The following CFAP54 variants were observed in gnomAD, a reference collection of about 807,000 sequenced individuals.
CFAP54 encodes cilia and flagella associated protein 54.
A neutral mutation model predicts 370.4 loss-of-function variants in CFAP54; 290 were observed. The ratio of observed to expected loss-of-function variants is 0.78; its 90% confidence interval spans 0.71 to 0.86. The LOEUF is 0.86. CFAP54 is among the 40% of genes least tolerant of loss of function. The probability of loss-of-function intolerance (pLI) is 0.00; values close to 1 mark genes in which losing one functional copy is unlikely to be tolerated. For missense variants in CFAP54, 3,399 were observed against 3,528.7 expected, an observed-to-expected ratio of 0.96 and a Z score of 0.93; for synonymous variants, 1,206 against 1,236.5, an observed-to-expected ratio of 0.98 and a Z score of 0.52.
intron 63 of CFAP54, among the ~76,000 whole-genome samples, chr12:96,810,077 G>T (rs1351598371): frequency 6.6e-6 from 1 of 152,132 alleles, no homozygotes; most frequent in South Asian, 2.1e-4. Context: ...GGAGTCTCCA[G>T]GTTGTACCCA....
intron 42 of CFAP54, among the ~76,000 whole-genome samples, chr12:96,688,664 T>C (rs1957353720): frequency 6.6e-6 from 1 of 152,146 alleles, no homozygotes; most frequent in Non-Finnish European, 1.5e-5. Context: ...TTTCTCCGTG[T>C]GTATAATTAT....
chr12:96,746,281 T>A lies in CFAP54; in HGVS notation c.7684+2135T>A, dbSNP rs147268558. Among the ~76,000 whole-genome samples the A allele has an allele frequency of 3.6e-4, 55 of 152,284 alleles. 1 individual carries two copies. The highest frequency in any genetic ancestry group is 1.2e-3 in the African/African-American group (50 of 41,566). ...ACAAAAAACAATAACAAACCTACTG[T>A]AAGCCTCTGTCATTCTCACAAAACA... is the stretch of plus-strand genomic sequence containing the variant. On this transcript the variant is annotated intron_variant, in intron 55 of 67. Transcript: ENST00000524981.
intron 26 of CFAP54, among the ~76,000 whole-genome samples, chr12:96,599,472 T>C (rs1351882304): frequency 6.6e-6 from 1 of 152,152 alleles, no homozygotes; most frequent in East Asian, 1.9e-4. Context: ...TAAACATACA[T>C]GTGCATGTGT....
rs369873209 is a variant in CFAP54 at position 96,684,690 on chromosome 12, C to T, written c.5759C>T (p.Ala1920Val). 21 of 1,613,134 alleles carry T rather than the reference C, an allele frequency of 1.3e-5. No individual in the cohort carries two copies. Among genetic ancestry groups the T allele is most frequent in the African/African-American group, 6.7e-5 (5 of 74,864 alleles). The change falls in exon 41 of 68, where the codon GCG becomes GTG. Residue 1920 changes from alanine (A) to valine (V), a missense_variant. By Grantham distance (64) the Ala-to-Val change is moderately conservative. Coordinates refer to ENST00000524981, the MANE Select transcript of CFAP54 (RefSeq NM_001306084.2). ...ASNQRSLKVQ[A>V]LHSLGSLLIF... Reference sequence around the variant, plus strand: ...AATCAAAGAAGTCTTAAAGTTCAGGCGTTGCATTCACTTGGAAGTCTTCTC... The same window carrying T: ...AATCAAAGAAGTCTTAAAGTTCAGGTGTTGCATTCACTTGGAAGTCTTCTC...
At chr12:96,728,636 C>G (rs1957874686) in intron 50 of CFAP54, among the ~76,000 whole-genome samples, 1 of 152,166 alleles carries the variant, frequency 6.6e-6, no homozygotes, top group Non-Finnish European at 1.5e-5. Flanking sequence ...CCTCCTGTAG[C>G]TCGGAGTAGT....
At chr12:96,854,596 A>G (rs1376706980) in intron 66 of CFAP54, among the ~76,000 whole-genome samples, 1 of 152,150 alleles carries the variant, frequency 6.6e-6, no homozygotes, top group Non-Finnish European at 1.5e-5. Context: ...CTAGAAAAAA[A>G]CTCTATAGGG....
In CFAP54 at chr12:96,580,626, A is replaced by T; in HGVS notation, c.2826A>T (p.Lys942Asn). 1 of 1,525,980 alleles carries T rather than the reference A, an allele frequency of 6.6e-7. No individual in the cohort carries two copies. 94.5% of individuals were successfully genotyped at this position (1,525,980 alleles called of 1,614,324 possible). A position where few individuals can be genotyped will look rare whatever the true frequency, so the allele number is the denominator to read the frequency against. The change falls in exon 21 of 68, where the codon AAA becomes AAT. Residue 942 changes from lysine to asparagine, a missense_variant. Physicochemically the swap from Lys to Asn is moderately conservative, Grantham distance 94. This residue lies in a region of CFAP54 where 2,796 missense variants were observed against 2,869.7 expected (regional missense o/e 0.97). Transcript: ENST00000524981. ...CCTGGTACTGCATTTTGGGTTGCAAAGCAGAAGGAAGTTATGGAAAAGTAC... is the reference window on the plus strand; with the variant it reads ...CCTGGTACTGCATTTTGGGTTGCAATGCAGAAGGAAGTTATGGAAAAGTAC... ...KVSWYCILGC[K>N]AEGSYGKVRL...
At chr12:96,820,370 G>A (rs1440153670) in intron 65 of CFAP54, among the ~76,000 whole-genome samples, 1 of 152,106 alleles carries the variant, frequency 6.6e-6, no homozygotes, top group Non-Finnish European at 1.5e-5. Context: ...GTAAAAGTCA[G>A]CAACTTTCCT....
intron 26 of CFAP54, among the ~76,000 whole-genome samples, chr12:96,616,979 TG>T (rs1246580753): frequency 7.9e-5 from 12 of 151,806 alleles, no homozygotes; most frequent in Admixed American, 5.9e-4. Flanking sequence ...ATGGAAAAAG[TG>T]GAGGTAGAGA....
rs377611594 is a variant in CFAP54 at position 96,664,697 on chromosome 12, CTATATATATA to C, written c.5563+773_5563+782del. Among the ~76,000 whole-genome samples the C allele has an allele frequency of 1.1e-3, 85 of 76,024 alleles. 6 individuals carry two copies. The highest frequency in any genetic ancestry group is 2.1e-3 in the East Asian group (4 of 1,884). 49.9% of individuals were successfully genotyped at this position (76,024 alleles called of 152,430 possible). A position where few individuals can be genotyped will look rare whatever the true frequency, so the allele number is the denominator to read the frequency against. ...AATTTATATTCCTTTGGGTATATAT[CTATATATATA>C]TATATATCTATATATATCTATATAT... On this transcript the variant is annotated intron_variant, in intron 39 of 67. Transcript: ENST00000524981.
chr12:96,762,712 G>A (rs1441233420), intron 58 of CFAP54, among the ~76,000 whole-genome samples: 1 of 152,138 alleles, frequency 6.6e-6, no homozygotes, highest in Non-Finnish European at 1.5e-5. Context: ...CCATGCTTAT[G>A]TAGTCAGTAA....
intron 4 of CFAP54, among the ~76,000 whole-genome samples, chr12:96,508,842 C>T (rs1194226970): frequency 6.6e-6 from 1 of 151,942 alleles, no homozygotes; most frequent in African/African-American, 2.4e-5. Context: ...GCGATGAGCA[C>T]CTGGTTTGCC....
chr12:96,558,020 A>G (rs1955772833), intron 17 of CFAP54, among the ~76,000 whole-genome samples: 2 of 152,030 alleles, frequency 1.3e-5, no homozygotes, highest in Non-Finnish European at 1.5e-5. Flanking sequence ...AATGACCTTG[A>G]GTTTAGGACA....
intron 5 of CFAP54, among the ~76,000 whole-genome samples, chr12:96,515,010 C>CTTT (rs34667780): frequency 7.2e-6 from 1 of 138,436 alleles, no homozygotes; most frequent in Non-Finnish European, 1.6e-5. Context: ...GAGTATAGTT[C>CTTT]TTTTTTTTTT....
intron 2 of CFAP54, among the ~76,000 whole-genome samples, chr12:96,502,329 G>A (rs576049002): frequency 6.6e-6 from 1 of 151,060 alleles, no homozygotes; most frequent in Admixed American, 6.6e-5. Flanking sequence ...AGGCTGAGGA[G>A]GGCAGATTGC....
At chr12:96,796,456 A>C (rs1038951393) in intron 63 of CFAP54, among the ~76,000 whole-genome samples, 3 of 152,130 alleles carry the variant, frequency 2.0e-5, no homozygotes, top group Non-Finnish European at 4.4e-5. Context: ...TGTTTGTTAG[A>C]ACTCATCAGT....
At position 96,589,475 on chromosome 12, in the gene CFAP54, C is replaced by T. The variant is rs1292624034; in HGVS notation, c.3124C>T (p.Pro1042Ser). 2 of 1,530,982 alleles carry T rather than the reference C, an allele frequency of 1.3e-6. No individual in the cohort carries two copies. The highest frequency in any genetic ancestry group is 1.4e-5 in the African/African-American group (1 of 72,882). The allele number at this position is 1,530,982 out of a possible 1,614,324, so 94.8% of individuals were successfully genotyped here. ...TGAATTGGCTAAGAAAGTTTTCTCA[C>T]CAGTTTGGGATTATTTTGTTGCTTC... ...NYELAKKVFS[P>S]VWDYFVASPL... Residue 1042 changes from proline (P) to serine (S), a missense_variant, in exon 23 of 68, where the codon CCA becomes TCA. Physicochemically the swap from Pro to Ser is moderately conservative, Grantham distance 74. This residue lies in a region of CFAP54 where 2,796 missense variants were observed against 2,869.7 expected (regional missense o/e 0.97). Transcript: ENST00000524981.
intron 40 of CFAP54, among the ~76,000 whole-genome samples, 169 bp from the exon 41 acceptor site, chr12:96,684,479 G>C (rs920676715): frequency 6.6e-6 from 1 of 152,050 alleles, no homozygotes; most frequent in Non-Finnish European, 1.5e-5. Flanking sequence ...ACGTTTGCTC[G>C]CTCTCTTTGT....
intron 1 of CFAP54, among the ~76,000 whole-genome samples, chr12:96,493,587 A>G (rs1472503377): frequency 6.6e-6 from 1 of 152,230 alleles, no homozygotes; most frequent in Non-Finnish European, 1.5e-5. Flanking sequence ...TCACGAGGTC[A>G]GGTATTTGAG....
Sources: allele counts gnomAD v4.1 joint callset (sites outside exome capture counted in the v4.1 genomes callset), GRCh38; gene constraint gnomAD v4.1.1; regional missense constraint gnomAD v4.1.1; transcripts MANE v1.5; gene names NCBI Gene and HGNC (gene_info 2026-07-23, HGNC 2026-07-21).